KIF20B: variants seen among roughly 807,000 people sequenced by gnomAD.
KIF20B encodes the protein kinesin family member 20B.
Under a neutral mutation model 232.5 loss-of-function variants are expected in KIF20B, and 188 were observed. The ratio of observed to expected loss-of-function variants is 0.81; its 90% confidence interval spans 0.72 to 0.91. The LOEUF (loss-of-function observed/expected upper bound fraction) is 0.91. Among genes scored for constraint, KIF20B ranks in the 40% least tolerant of loss-of-function variants. KIF20B has a pLI of 0.00. For synonymous variants in KIF20B, 712 were observed against 683.0 expected (o/e 1.04, Z -0.66); for missense variants, 2,154 against 2,055.9 (o/e 1.05, Z -0.92).
At chr10:89,717,849 T>C (rs1251979822) in intron 11 of KIF20B, 127 bp downstream of exon 11, 1 of 576,446 alleles carries the variant, frequency 1.7e-6, no homozygotes, top group Non-Finnish European at 2.9e-6. Context: ...GTGTATAGAT[T>C]GTGATTCAAG....
chr10:89,746,826 G>A (rs1224525472), intron 23 of KIF20B, among the ~76,000 whole-genome samples: 1 of 77,148 alleles, frequency 1.3e-5, no homozygotes, highest in East Asian at 3.7e-4. Context: ...GGAAGTGAGG[G>A]CAACATAAGA....
chr10:89,762,438 T>A (rs766623783), intron 28 of KIF20B, among the ~76,000 whole-genome samples, 200 bp from the exon 29 acceptor site: 1 of 152,178 alleles, frequency 6.6e-6, no homozygotes, highest in Non-Finnish European at 1.5e-5. Context: ...AATAGCGATG[T>A]TACCCCTAAT....
intron 31 of KIF20B, among the ~76,000 whole-genome samples, chr10:89,770,097 C>T (rs1842435703): frequency 6.6e-6 from 1 of 152,008 alleles, no homozygotes; most frequent in African/African-American, 2.4e-5. Context: ...TAAGACCAAA[C>T]AACCACTGAA....
In KIF20B at chr10:89,726,449, A is replaced by G; in HGVS notation, c.2158A>G (p.Ile720Val). 6.2e-7 allele frequency: 1 copy of G among 1,607,448 alleles called. No individual in the cohort carries two copies. ...TTGTTTAGAACTAAAGTTTAATCAA[A>G]TTAAAGCTGAATTAGCTAAAACCAA... ...TACLELKFNQ[I>V]KAELAKTKGE... is the part of the protein sequence containing the mutation. The change falls in exon 16 of 33, where the codon ATT (isoleucine) becomes GTT (valine). Residue 720 changes from isoleucine to valine, a missense_variant. Physicochemically the swap from Ile to Val is conservative, Grantham distance 29 (BLOSUM62 3). Coordinates refer to ENST00000371728, the MANE Select transcript of KIF20B (RefSeq NM_001284259.2).
intron 17 of KIF20B, 140 bp from the exon 18 acceptor site, chr10:89,728,988 C>A (rs1459242252): frequency 3.2e-6 from 2 of 623,992 alleles, no homozygotes; most frequent in East Asian, 6.8e-5. Context: ...TCATGCTGTG[C>A]ATAGTGTGTT....
At chr10:89,728,050 G>C (rs1843228537) in intron 17 of KIF20B, among the ~76,000 whole-genome samples, 154 bp downstream of exon 17, 1 of 151,858 alleles carries the variant, frequency 6.6e-6, no homozygotes, top group African/African-American at 2.4e-5. Context: ...TATTTTTTCT[G>C]TTCTTCTTTG....
chr10:89,747,881 T>TATA (rs145154217), intron 23 of KIF20B, among the ~76,000 whole-genome samples: 8 of 150,782 alleles, frequency 5.3e-5, no homozygotes, highest in African/African-American at 1.5e-4. Flanking sequence ...AAACTTAAAG[T>TATA]ATAATAATAA....
In KIF20B at chr10:89,737,455, G is replaced by C; in HGVS notation, c.2614G>C (p.Ala872Pro). 1 of 1,608,562 alleles carries C rather than the reference G, an allele frequency of 6.2e-7. No homozygotes were observed. Among genetic ancestry groups the C allele is most frequent in the Admixed American group, 1.7e-5 (1 of 58,978 alleles). The change falls in exon 20 of 33, where the codon GCA becomes CCA. Residue 872 changes from alanine (A) to proline (P), a missense_variant. Ala to Pro is a conservative substitution (Grantham distance 27). Transcript: ENST00000371728. ...AAGTGAAGAAGTGCGACCGAACATT[G>C]CAGAAATTGAAGACATCAGAGTTTT... The part of the protein sequence containing the change: ...KKSEEVRPNI[A>P]EIEDIRVLQE...
At chr10:89,759,716 G>C (rs888824466) in intron 27 of KIF20B, among the ~76,000 whole-genome samples, 2 of 152,094 alleles carry the variant, frequency 1.3e-5, no homozygotes, top group Non-Finnish European at 2.9e-5. Flanking sequence ...TCCTAACAGA[G>C]TTGTGAAATT....
chr10:89,709,872 C>CTA lies in KIF20B; in HGVS notation c.352-53_352-52dup. On this transcript the variant is annotated intron_variant, in intron 4 of 32. Transcript: ENST00000371728. ...AACAGTAGTGTTGGGATGGAACACACTATTAATATTAACTTGAATTTTCTA... is the reference window on the plus strand; with the variant it reads ...AACAGTAGTGTTGGGATGGAACACACTATATTAATATTAACTTGAATTTTCTA... 3 of 1,451,488 alleles carry CTA rather than the reference C, an allele frequency of 2.1e-6. No homozygotes were observed. The Admixed American group carries it at 6.7e-5, about 33-fold the overall frequency. 89.9% of individuals were successfully genotyped at this position (1,451,488 alleles called of 1,614,324 possible).
At chr10:89,738,672 A>C in intron 20 of KIF20B, 55 bp downstream of exon 20, 2 of 1,484,240 alleles carry the variant, frequency 1.3e-6, no homozygotes, top group Non-Finnish European at 1.8e-6. Context: ...TCATTTTGCT[A>C]TGCAGCTTTA....
chr10:89,757,065 T>TATATATATATATAC (rs1234268831), intron 26 of KIF20B, among the ~76,000 whole-genome samples: 3 of 135,196 alleles, frequency 2.2e-5, no homozygotes, highest in African/African-American at 5.4e-5. Flanking sequence ...TATATATATA[T>TATATATATATATAC]ATATACACAC....
At position 89,714,486 on chromosome 10, in the gene KIF20B, T is replaced by A. The variant is rs182935746; in HGVS notation, c.712+403T>A. On this transcript the variant is annotated intron_variant, in intron 7 of 32. Coordinates refer to ENST00000371728, the MANE Select transcript of KIF20B (RefSeq NM_001284259.2). The stretch of plus-strand genomic sequence containing the variant: ...AGTGAAACTGTCTCAAAAAAAAAAA[T>A]TTTCACCTTGTATTTATTTATTTTT... Among the ~76,000 whole-genome samples, 303 of 151,684 alleles carry A rather than the reference T, an allele frequency of 2.0e-3. 1 individual carries two copies. The highest frequency in any genetic ancestry group is 0.017 in the Middle Eastern group (5 of 294).
rs752109208 is a variant in KIF20B, at chr10:89,737,498, G to T, written c.2657G>T (p.Gly886Val). 16 of 1,610,554 alleles carry T rather than the reference G, an allele frequency of 9.9e-6. No individual in the cohort carries two copies. The highest frequency in any genetic ancestry group is 1.7e-5 in the Admixed American group (1 of 59,604). Residue 886 changes from glycine to valine, a missense_variant, in exon 20 of 33, where the codon GGA becomes GTA. Coordinates refer to ENST00000371728, the MANE Select transcript of KIF20B (RefSeq NM_001284259.2). ...AGAGTTTTACAAGAAAATAATGAAG[G>T]ACTGAGAGCATTTTTACTCACTATT... is the stretch of plus-strand genomic sequence containing the variant. Reference protein sequence around the residue: ...DIRVLQENNEGLRAFLLTIEN... With the variant: ...DIRVLQENNEVLRAFLLTIEN...
chr10:89,768,325 A>G lies in KIF20B; in HGVS notation c.5025A>G (p.Thr1675=). The change falls in exon 30 of 33, where the codon ACA becomes ACG. Residue 1675 remains threonine (T), a synonymous_variant. Transcript: ENST00000371728. ...AATGTGAAAATAAGAAGAATGCTAC[A>G]CCCAGAACTAATTTGAAATTTCCTA... ...LVKCENKKNA[T]PRTNLKFPIS... 6.3e-7 allele frequency: 1 copy of G among 1,590,830 alleles called. No homozygotes were observed. Among genetic ancestry groups the G allele is most frequent in the Non-Finnish European group, 8.6e-7 (1 of 1,166,566 alleles).
At chr10:89,717,244 A>G (rs891604935) in intron 9 of KIF20B, among the ~76,000 whole-genome samples, 180 bp from the exon 10 acceptor site, 25 of 152,212 alleles carry the variant, frequency 1.6e-4, no homozygotes, top group Non-Finnish European at 1.5e-4. Flanking sequence ...GATTTTAGGC[A>G]TTTGGGTATG....
chr10:89,727,078 C>G (rs1843205603), intron 16 of KIF20B, among the ~76,000 whole-genome samples: 1 of 151,892 alleles, frequency 6.6e-6, no homozygotes, highest in African/African-American at 2.4e-5. Flanking sequence ...TCCCAAAGTG[C>G]TGGGATTACA....
At position 89,718,736 on chromosome 10, in the gene KIF20B, A is replaced by G. The variant is rs777201675; in HGVS notation, c.1298A>G (p.Glu433Gly). 1 of 1,608,896 alleles carries G rather than the reference A, an allele frequency of 6.2e-7. No homozygotes were observed. Among genetic ancestry groups the G allele is most frequent in the Non-Finnish European group, 8.5e-7 (1 of 1,178,822 alleles). ...TTTCAACAGCATGTGCCTTTCCGGG[A>G]AAGTAAACTGACTCACTATTTTCAA... ...SKFQQHVPFR[E>G]SKLTHYFQSF... The change falls in exon 12 of 33, where the codon GAA (glutamate) becomes GGA (glycine). Residue 433 changes from glutamate (E) to glycine (G), a missense_variant. Glu to Gly is a moderately conservative substitution (Grantham distance 98, BLOSUM62 -2). Transcript: ENST00000371728.
At chr10:89,735,760 G>A (rs1213397718) in intron 19 of KIF20B, among the ~76,000 whole-genome samples, 2 of 151,656 alleles carry the variant, frequency 1.3e-5, no homozygotes, top group Admixed American at 6.6e-5. Context: ...GGATGGTCTC[G>A]ATCTCCTGAC....
Sources: allele counts gnomAD v4.1 joint callset (sites outside exome capture counted in the v4.1 genomes callset), GRCh38; gene constraint gnomAD v4.1.1; transcripts MANE v1.5; gene names NCBI Gene and HGNC (gene_info 2026-07-23, HGNC 2026-07-21).